CILP: variants seen among roughly 807,000 people sequenced by gnomAD.
CILP encodes cartilage intermediate layer protein 1.
Under a neutral mutation model 82.5 loss-of-function variants are expected in CILP, and 75 were observed. That is an observed-to-expected ratio of 0.91 (90% CI 0.75 to 1.10). The LOEUF (loss-of-function observed/expected upper bound fraction) is 1.10, where lower values mean the gene tolerates loss of function less well. Ranked by LOEUF, CILP falls within the 50% of genes least tolerant of loss-of-function variation. The probability of loss-of-function intolerance (pLI) is 0.00; values close to 1 mark genes in which losing one functional copy is unlikely to be tolerated. For missense variants in CILP, 1,479 were observed against 1,530.8 expected, an observed-to-expected ratio of 0.97 and a Z score of 0.56; for synonymous variants, 530 against 580.3, an observed-to-expected ratio of 0.91 and a Z score of 1.25.
rs267604290 is a variant in CILP, at chr15:65,199,085, G to T, written c.1201C>A (p.Pro401Thr). 3.1e-6 allele frequency: 5 copies of T among 1,591,808 alleles called. No homozygotes were observed. Among genetic ancestry groups the T allele is most frequent in the South Asian group, 1.1e-5 (1 of 89,836 alleles). Residue 401 changes from proline (P) to threonine (T), a missense_variant, in exon 9 of 9, where the codon CCT becomes ACT. Pro to Thr is a conservative substitution (Grantham distance 38). Transcript: ENST00000261883. Reference protein sequence around the residue: ...QLIVIASDETPCNPVPESYLI... With the variant: ...QLIVIASDETTCNPVPESYLI... ...TAGCTCTCAGGAACTGGGTTGCAAGGAGTCTCATCAGATGCTGTGTAGGGA... is the reference window on the plus strand; with the variant it reads ...TAGCTCTCAGGAACTGGGTTGCAAGTAGTCTCATCAGATGCTGTGTAGGGA...
chr15:65,203,869 C>T (rs2088487553), intron 6 of CILP, among the ~76,000 whole-genome samples: 1 of 152,256 alleles, frequency 6.6e-6, no homozygotes, highest in Admixed American at 6.5e-5. Context: ...TCTCTGTGAC[C>T]TGCAAACCGC....
rs767443033 is a variant in CILP, at chr15:65,197,536, A to G, written c.2750T>C (p.Ile917Thr). 1 of 1,614,120 alleles carries G rather than the reference A, an allele frequency of 6.2e-7. No homozygotes were observed. Among genetic ancestry groups the G allele is most frequent in the South Asian group, 1.1e-5 (1 of 91,074 alleles). ...GTTGTAGTCATATCGATCCCCCTCAATCTGGTAGAACCGGAAGTGGGCTGC... is the reference window on the plus strand; with the variant it reads ...GTTGTAGTCATATCGATCCCCCTCAGTCTGGTAGAACCGGAAGTGGGCTGC... ...PSAAHFRFYQ[I>T]EGDRYDYNTV... Residue 917 changes from isoleucine (I) to threonine (T), a missense_variant, in exon 9 of 9, where the codon ATT becomes ACT. By Grantham distance (89) the Ile-to-Thr change is moderately conservative. Transcript: ENST00000261883.
chr15:65,204,369 C>G lies in CILP; in HGVS notation c.818G>C (p.Ser273Thr). The G allele has an allele frequency of 6.2e-7, 1 of 1,614,230 alleles. No individual in the cohort carries two copies. ...RIPGLCPDGKSILKITKVKFA... is the reference protein window; with the variant it reads ...RIPGLCPDGKTILKITKVKFA... ...CTTGACCTTTGTGATCTTCAGGATG[C>G]TTTTGCCATCAGGGCACAAGCCAGG... is the stretch of plus-strand genomic sequence containing the variant. Residue 273 changes from serine (S) to threonine (T), a missense_variant, in exon 6 of 9, where the codon AGC becomes ACC. Physicochemically the swap from Ser to Thr is moderately conservative, Grantham distance 58. Transcript: ENST00000261883.
chr15:65,199,324 C>G (rs1466419528), intron 8 of CILP, among the ~76,000 whole-genome samples: 1 of 152,132 alleles, frequency 6.6e-6, no homozygotes, highest in Non-Finnish European at 1.5e-5. Flanking sequence ...GGCGGTTTGT[C>G]TCAATGGAGG....
Position 65,198,497 on chromosome 15 carries a change from G to A in CILP, c.1789C>T (p.Pro597Ser), listed in dbSNP as rs143772526. 28 of 1,614,090 alleles carry A rather than the reference G, an allele frequency of 1.7e-5. No individual in the cohort carries two copies. The highest frequency in any genetic ancestry group is 2.7e-5 in the African/African-American group (2 of 74,918). ...GATGGAATCTCCAGTTCAGCCATGG[G>A]GTCTTCACCAACCACTTCCCCCAGG... ...IPLGEVVGED[P>S]MAELEIPSRS... Residue 597 changes from proline (P) to serine (S), a missense_variant, in exon 9 of 9, where the codon CCC (proline) becomes TCC (serine). By Grantham distance (74) the Pro-to-Ser change is moderately conservative. Transcript: ENST00000261883.
In CILP at chr15:65,197,816, C is replaced by T. The variant is rs750899939; in HGVS notation, c.2470G>A (p.Val824Ile). The T allele has an allele frequency of 8.1e-6, 13 of 1,614,000 alleles. 1 individual carries two copies. The highest frequency in any genetic ancestry group is 7.7e-5 in the South Asian group (7 of 91,086). ...DQSPDAYSAY[V>I]LASLAGEELQ... ...TCCTCCCCAGCCAGGCTTGCCAAGA[C>T]ATAGGCAGAGTAGGCATCAGGGGAC... The change falls in exon 9 of 9, where the codon GTC (valine) becomes ATC (isoleucine). Residue 824 changes from valine to isoleucine, a missense_variant. Transcript: ENST00000261883.
In CILP at chr15:65,205,481, C is replaced by A. The variant is rs1257490185; in HGVS notation, c.425-15G>T. Reference sequence around the variant, plus strand: ...GCGCAGGGATCCTGCAAAGTGAGATCAGCAGACGGTCTGATTTCCCTCTTG... The same window carrying A: ...GCGCAGGGATCCTGCAAAGTGAGATAAGCAGACGGTCTGATTTCCCTCTTG... On this transcript the variant is annotated splice_polypyrimidine_tract_variant and intron_variant, in intron 4 of 8. Transcript: ENST00000261883. The A allele has an allele frequency of 6.3e-7, 1 of 1,583,044 alleles. No individual in the cohort carries two copies.
At position 65,204,558 on chromosome 15, in the gene CILP, C is replaced by A. The variant is rs751578317; in HGVS notation, c.629G>T (p.Gly210Val). 6.2e-6 allele frequency: 10 copies of A among 1,609,428 alleles called. No homozygotes were observed. The highest frequency in any genetic ancestry group is 7.6e-6 in the Non-Finnish European group (9 of 1,178,902). The stretch of plus-strand genomic sequence containing the variant: ...GGCATCACAGTCAGCATTCACCTGG[C>A]CCATTGGGCAGGTCAGGTCACAGGC... The part of the protein sequence containing the change: ...CTACDLTCPM[G>V]QVNADCDACM... The change falls in exon 6 of 9, where the codon GGC (glycine) becomes GTC (valine). Residue 210 changes from glycine to valine, a missense_variant. Coordinates refer to ENST00000261883, the MANE Select transcript of CILP (RefSeq NM_003613.4).
rs769667952 is a variant in CILP at position 65,204,593 on chromosome 15, A to G, written c.605-11T>C. The G allele has an allele frequency of 6.3e-7, 1 of 1,584,408 alleles. No homozygotes were observed. Among genetic ancestry groups the G allele is most frequent in the Non-Finnish European group, 8.5e-7 (1 of 1,173,048 alleles). ...AGGTCAGGTCACAGGCTGTGGAACA[A>G]GGGGCCATATCAGCAGGGATTCTAT... On this transcript the variant is annotated splice_polypyrimidine_tract_variant and intron_variant, in intron 5 of 8. Coordinates refer to ENST00000261883, the MANE Select transcript of CILP (RefSeq NM_003613.4).
chr15:65,197,651 C>A lies in CILP; in HGVS notation c.2635G>T (p.Ala879Ser), dbSNP rs138340018. The change falls in exon 9 of 9, where the codon GCC becomes TCC. Residue 879 changes from alanine (A) to serine (S), a missense_variant. Coordinates refer to ENST00000261883, the MANE Select transcript of CILP (RefSeq NM_003613.4). ...VKKTAFQISM[A>S]KPRPNSAEES... ...TCAGCTGAGTTGGGCCTTGGCTTGGCCATGCTAATCTGGAAAGCTGTCTTT... is the reference window on the plus strand; with the variant it reads ...TCAGCTGAGTTGGGCCTTGGCTTGGACATGCTAATCTGGAAAGCTGTCTTT... The A allele has an allele frequency of 2.5e-6, 4 of 1,614,046 alleles. No homozygotes were observed. The African/African-American group carries it at 5.3e-5, about 22-fold the overall frequency.
rs770745634 is a variant in CILP at position 65,204,506 on chromosome 15, A to C, written c.681T>G (p.His227Gln). 2 of 1,613,818 alleles carry C rather than the reference A, an allele frequency of 1.2e-6. No homozygotes were observed. The highest frequency in any genetic ancestry group is 1.7e-6 in the Non-Finnish European group (2 of 1,179,924). The change falls in exon 6 of 9, where the codon CAT becomes CAG. Residue 227 changes from histidine (H) to glutamine (Q), a missense_variant. Coordinates refer to ENST00000261883, the MANE Select transcript of CILP (RefSeq NM_003613.4). Reference sequence around the variant, plus strand: ...CACCTCCGGGAAGGGAGACAGCCCCATGAAGCATGAAGTCCTGGCACATGC... The same window carrying C: ...CACCTCCGGGAAGGGAGACAGCCCCCTGAAGCATGAAGTCCTGGCACATGC... ...DACMCQDFML[H>Q]GAVSLPGGAP...
In CILP at chr15:65,197,767, G is replaced by A; in HGVS notation, c.2519C>T (p.Pro840Leu). 6.2e-7 allele frequency: 1 copy of A among 1,612,708 alleles called. No homozygotes were observed. Among genetic ancestry groups the A allele is most frequent in the Non-Finnish European group, 8.5e-7 (1 of 1,179,992 alleles). The change falls in exon 9 of 9, where the codon CCT (proline) becomes CTT (leucine). Residue 840 changes from proline (P) to leucine (L), a missense_variant. Coordinates refer to ENST00000261883, the MANE Select transcript of CILP (RefSeq NM_003613.4). ...GCCAATTGCATTTGGGTTGAATTTA[G>A]GAGAAGACTCCACTGCTTGCAGTTC... ...GEELQAVESS[P>L]KFNPNAIGVP...
rs2088507409 is a variant in CILP at position 65,205,400 on chromosome 15, G to A, written c.491C>T (p.Ala164Val). The A allele has an allele frequency of 2.5e-6, 4 of 1,614,076 alleles. No individual in the cohort carries two copies. Among genetic ancestry groups the A allele is most frequent in the South Asian group, 1.1e-5 (1 of 91,074 alleles). Residue 164 changes from alanine (A) to valine (V), a missense_variant, in exon 5 of 9, where the codon GCC becomes GTC. Ala to Val is a moderately conservative substitution (Grantham distance 64). Coordinates refer to ENST00000261883, the MANE Select transcript of CILP (RefSeq NM_003613.4). ...PWSPWSKCSA[A>V]CGQTGVQTRT... The stretch of plus-strand genomic sequence containing the variant: ...AGTCTGGACCCCAGTCTGACCACAG[G>A]CAGCTGAGCACTTGCTCCAGGGAGA...
At chr15:65,205,643 G>T (rs932489537) in intron 4 of CILP, among the ~76,000 whole-genome samples, 177 bp from the exon 5 acceptor site, 2 of 152,242 alleles carry the variant, frequency 1.3e-5, no homozygotes, top group Non-Finnish European at 2.9e-5. Context: ...TCTTGAGGAA[G>T]TGAGGTCTCT....
chr15:65,198,515 C>G lies in CILP; in HGVS notation c.1771G>C (p.Glu591Gln). 1 of 1,614,262 alleles carries G rather than the reference C, an allele frequency of 6.2e-7. No individual in the cohort carries two copies. Among genetic ancestry groups the G allele is most frequent in the Non-Finnish European group, 8.5e-7 (1 of 1,180,048 alleles). ...AMETNIIPLGEVVGEDPMAEL... is the reference protein window; with the variant it reads ...AMETNIIPLGQVVGEDPMAEL... The stretch of plus-strand genomic sequence containing the variant: ...GCCATGGGGTCTTCACCAACCACTT[C>G]CCCCAGGGGGATGATGTTGGTCTCC... Residue 591 changes from glutamate to glutamine, a missense_variant, in exon 9 of 9, where the codon GAA becomes CAA. Coordinates refer to ENST00000261883, the MANE Select transcript of CILP (RefSeq NM_003613.4).
chr15:65,197,255 T>C lies in CILP; in HGVS notation c.3031A>G (p.Ser1011Gly). The change falls in exon 9 of 9, where the codon AGT becomes GGT. Residue 1011 changes from serine to glycine, a missense_variant. Physicochemically the swap from Ser to Gly is moderately conservative, Grantham distance 56. Transcript: ENST00000261883. ...VSAACLEFKCSGMLYDQDRVD... is the reference protein window; with the variant it reads ...VSAACLEFKCGGMLYDQDRVD... ...CGGTCCTGATCATAGAGCATCCCACTGCACTTGAACTCCAGACAGGCAGCT... is the reference window on the plus strand; with the variant it reads ...CGGTCCTGATCATAGAGCATCCCACCGCACTTGAACTCCAGACAGGCAGCT... 21 of 1,614,128 alleles carry C rather than the reference T, an allele frequency of 1.3e-5. No homozygotes were observed. The highest frequency in any genetic ancestry group is 1.8e-5 in the Non-Finnish European group (21 of 1,180,000).
In CILP at chr15:65,206,955, C is replaced by T. The variant is rs756238923; in HGVS notation, c.251G>A (p.Arg84His). The change falls in exon 4 of 9, where the codon CGT (arginine) becomes CAT (histidine). Residue 84 changes from arginine to histidine, a missense_variant. Transcript: ENST00000261883. ...LDAIRFYYGD[R>H]VCARPLRLEA... ...TAGCCGCAGGGGACGGGCACATACA[C>T]GGTCCCCATAGTAGAAGCGAATGGC... 21 of 1,613,916 alleles carry T rather than the reference C, an allele frequency of 1.3e-5. No homozygotes were observed. The highest frequency in any genetic ancestry group is 2.7e-5 in the African/African-American group (2 of 74,932).
Position 65,196,629 on chromosome 15 carries a change from G to GA in CILP, c.*101dup. 1.8e-6 allele frequency: 2 copies of GA among 1,087,136 alleles called. No homozygotes were observed. Among genetic ancestry groups the GA allele is most frequent in the Non-Finnish European group, 2.6e-6 (2 of 774,016 alleles). 67.3% of individuals were successfully genotyped at this position (1,087,136 alleles called of 1,614,324 possible). ...TGAAGAAACAAACAAGCAAATTCACGAAAACAGAAGTGCTTAAATTAACCA... is the reference window on the plus strand; with the variant it reads ...TGAAGAAACAAACAAGCAAATTCACGAAAAACAGAAGTGCTTAAATTAACCA... On this transcript the variant is annotated 3_prime_UTR_variant, in exon 9 of 9. Coordinates refer to ENST00000261883, the MANE Select transcript of CILP (RefSeq NM_003613.4).
intron 8 of CILP, among the ~76,000 whole-genome samples, chr15:65,200,459 G>GTTTTA (rs1398280469): frequency 6.6e-6 from 1 of 151,712 alleles, no homozygotes; most frequent in Non-Finnish European, 1.5e-5. Context: ...TCTGCGTTTT[G>GTTTTA]TTTTGTTTAG....
Sources: allele counts gnomAD v4.1 joint callset (sites outside exome capture counted in the v4.1 genomes callset), GRCh38; gene constraint gnomAD v4.1.1; transcripts MANE v1.5; gene names NCBI Gene and HGNC (gene_info 2026-07-23, HGNC 2026-07-21).